The following TEAD4 variants were observed in gnomAD, a reference collection of about 807,000 sequenced individuals.
TEAD4 encodes TEA domain transcription factor 4.
A neutral mutation model predicts 52.4 loss-of-function variants in TEAD4; 36 were observed. That is an observed-to-expected ratio of 0.69 (90% CI 0.53 to 0.91). TEAD4 has a LOEUF of 0.91. TEAD4 is among the 40% of genes least tolerant of loss of function. TEAD4 has a pLI of 0.00. For synonymous variants in TEAD4, 220 were observed against 231.0 expected (o/e 0.95, Z 0.43); for missense variants, 508 against 583.9 (o/e 0.87, Z 1.34).
At chr12:3,000,767 G>T (rs551338576) in intron 3 of TEAD4, among the ~76,000 whole-genome samples, 45 of 152,322 alleles carry the variant, frequency 3.0e-4, no homozygotes, top group African/African-American at 1.0e-3. Context: ...AGCACTGTTG[G>T]TTCGTCAGAC....
rs200781637 is a variant in TEAD4, at chr12:3,012,879, GAC to G, written c.354+649_354+650del. On this transcript the variant is annotated intron_variant, in intron 5 of 12. Coordinates refer to ENST00000359864, the MANE Select transcript of TEAD4 (RefSeq NM_003213.4). ...AGCTCTCCATCAGGGAGGTGATGAC[GAC>G]AGAGGCTACACAGCAAGTTGGTGGG... Among the ~76,000 whole-genome samples, 143 of 152,308 alleles carry G rather than the reference GAC, an allele frequency of 9.4e-4. No individual in the cohort carries two copies. In the East Asian group the frequency reaches 0.015, roughly 16 times the overall value.
intron 10 of TEAD4, among the ~76,000 whole-genome samples, chr12:3,024,412 C>T (rs1410869110): frequency 6.6e-6 from 1 of 152,012 alleles, no homozygotes; most frequent in Non-Finnish European, 1.5e-5. Flanking sequence ...GGTGGTTCAT[C>T]CCTGTGATCC....
chr12:3,000,505 C>T (rs1197726364), intron 3 of TEAD4, among the ~76,000 whole-genome samples: 1 of 152,132 alleles, frequency 6.6e-6, no homozygotes, highest in East Asian at 1.9e-4. Context: ...CTCCTGCGCT[C>T]TGTTAGCTCA....
intron 8 of TEAD4, 100 bp from the exon 9 acceptor site, chr12:3,020,534 C>T: frequency 2.2e-6 from 3 of 1,360,142 alleles, no homozygotes; most frequent in Non-Finnish European, 2.9e-6. Context: ...TCCCCCCAGG[C>T]AGCACGGGTC....
At chr12:2,983,218 T>C (rs2098235526) in intron 2 of TEAD4, among the ~76,000 whole-genome samples, 1 of 152,176 alleles carries the variant, frequency 6.6e-6, no homozygotes, top group Admixed American at 6.5e-5. Context: ...ACTTTCTACT[T>C]GGCATTGTTT....
At chr12:2,979,028 G>A (rs2098232106) in intron 2 of TEAD4, among the ~76,000 whole-genome samples, 2 of 152,080 alleles carry the variant, frequency 1.3e-5, no homozygotes, top group Admixed American at 6.6e-5. Flanking sequence ...CGATTCTTGT[G>A]CCTCAACCTC....
At chr12:2,993,772 C>G (rs141258383) in intron 2 of TEAD4, among the ~76,000 whole-genome samples, 1 of 152,188 alleles carries the variant, frequency 6.6e-6, no homozygotes, top group South Asian at 2.1e-4. Context: ...GCCACTGTGC[C>G]TGGCCTAATG....
chr12:2,998,528 TGGGGACGCTCGGGA>T (rs2098249086), intron 3 of TEAD4, among the ~76,000 whole-genome samples: 1 of 151,096 alleles, frequency 6.6e-6, no homozygotes, highest in South Asian at 2.1e-4. Flanking sequence ...GGGCATGGGA[TGGGGACGCTCGGGA>T]GGGCCTGGAG....
chr12:2,994,838 C>T lies in TEAD4; in HGVS notation c.72C>T (p.Ala24=). 4 of 1,614,066 alleles carry T rather than the reference C, an allele frequency of 2.5e-6. No individual in the cohort carries two copies. The highest frequency in any genetic ancestry group is 3.4e-6 in the Non-Finnish European group (4 of 1,180,010). ...CCACCTCCCCTGAGGGGAGCACCGC[C>T]TCTGGGGGCAGTCAGGCACTGGACA... The change falls in exon 3 of 13, where the codon GCC becomes GCT. Residue 24 remains alanine (A), a synonymous_variant. Transcript: ENST00000359864. The surrounding 1 kb of genome is among the most constrained non-coding windows in gnomAD (Gnocchi z 4.7).
intron 6 of TEAD4, 138 bp downstream of exon 6, chr12:3,017,664 G>A: frequency 7.8e-7 from 1 of 1,287,492 alleles, no homozygotes; most frequent in Non-Finnish European, 1.0e-6. Context: ...AGGGAAGGAG[G>A]GAACAAGGAC....
chr12:3,004,082 C>T (rs1342741727), intron 3 of TEAD4, among the ~76,000 whole-genome samples: 2 of 152,228 alleles, frequency 1.3e-5, no homozygotes, highest in African/African-American at 2.4e-5. Context: ...ATCCAGGATA[C>T]GCTGGCTCCC....
chr12:3,024,080 T>C (rs1702797814), intron 10 of TEAD4, among the ~76,000 whole-genome samples: 2 of 151,994 alleles, frequency 1.3e-5, no homozygotes, highest in South Asian at 4.1e-4. Flanking sequence ...AGTCATAAAA[T>C]GTTCACTTTT....
chr12:2,986,738 T>C (rs1240771193), intron 2 of TEAD4, among the ~76,000 whole-genome samples: 1 of 152,140 alleles, frequency 6.6e-6, no homozygotes, highest in Non-Finnish European at 1.5e-5. Flanking sequence ...CAGTTGTTTA[T>C]TGTCAAGGAT....
intron 2 of TEAD4, among the ~76,000 whole-genome samples, chr12:2,961,120 C>G (rs1405641445): frequency 6.6e-6 from 1 of 152,028 alleles, no homozygotes; most frequent in Non-Finnish European, 1.5e-5. Context: ...GGGGTGGATC[C>G]CCGGGAAAAG....
intron 6 of TEAD4, among the ~76,000 whole-genome samples, chr12:3,018,000 A>C (rs895385433): frequency 6.6e-6 from 1 of 152,216 alleles, no homozygotes; most frequent in African/African-American, 2.4e-5. Flanking sequence ...CCACACTCTC[A>C]GAATGATCCA....
intron 3 of TEAD4, among the ~76,000 whole-genome samples, chr12:2,996,356 G>C (rs2098247135): frequency 6.6e-6 from 1 of 151,652 alleles, no homozygotes; most frequent in East Asian, 1.9e-4. Flanking sequence ...TCCCTGCTTT[G>C]ACCACTTCTT....
At chr12:2,977,883 T>C (rs1355081808) in intron 2 of TEAD4, among the ~76,000 whole-genome samples, 2 of 152,210 alleles carry the variant, frequency 1.3e-5, no homozygotes, top group Non-Finnish European at 2.9e-5. Flanking sequence ...AAGGGCCCTT[T>C]TTTGGCCTCC....
intron 3 of TEAD4, among the ~76,000 whole-genome samples, chr12:2,995,397 GC>G (rs1397041333): frequency 6.6e-6 from 1 of 152,190 alleles, no homozygotes; most frequent in Non-Finnish European, 1.5e-5. Context: ...CAGATGCCGA[GC>G]CTTCTGTGTG....
chr12:2,962,875 C>CCCCTTGGCGTTCTGTCTCCTG (rs2098216928), intron 2 of TEAD4, among the ~76,000 whole-genome samples: 1 of 152,166 alleles, frequency 6.6e-6, no homozygotes, highest in African/African-American at 2.4e-5. Flanking sequence ...CCTATGCTCT[C>CCCCTTGGCGTTCTGTCTCCTG]CCCTTGGCGT....
Sources: allele counts gnomAD v4.1 joint callset (sites outside exome capture counted in the v4.1 genomes callset), GRCh38; gene constraint gnomAD v4.1.1; non-coding constraint Gnocchi (gnomAD v3.1); transcripts MANE v1.5; gene names NCBI Gene and HGNC (gene_info 2026-07-23, HGNC 2026-07-21).